The following GABRG3 variants were observed in gnomAD, a reference collection of about 807,000 sequenced individuals.
GABRG3 encodes gamma-aminobutyric acid receptor subunit gamma-3.
Under a neutral mutation model 48.8 loss-of-function variants are expected in GABRG3, and 25 were observed. The observed-to-expected ratio is 0.51, with a 90% CI of 0.37 to 0.72. The LOEUF (loss-of-function observed/expected upper bound fraction) is 0.72. Ranked by LOEUF, GABRG3 falls within the 30% of genes least tolerant of loss-of-function variation. The pLI, the probability that GABRG3 is intolerant of heterozygous loss-of-function variation, is 0.00. For synonymous variants in GABRG3, 227 were observed against 217.6 expected (o/e 1.04, Z -0.38); for missense variants, 394 against 577.9 (o/e 0.68, Z 3.26).
chr15:27,240,241 A>G (rs896120305), intron 3 of GABRG3, among the ~76,000 whole-genome samples: 2 of 152,170 alleles, frequency 1.3e-5, no homozygotes, highest in African/African-American at 2.4e-5. Context: ...TTATCTTGCT[A>G]TAGTGAAAGC....
chr15:27,509,005 C>A (rs996286730), intron 6 of GABRG3, among the ~76,000 whole-genome samples: 5 of 152,118 alleles, frequency 3.3e-5, no homozygotes, highest in Non-Finnish European at 7.4e-5. Flanking sequence ...AGGCTTGAGC[C>A]ACCGTGCCCG....
chr15:27,379,208 A>G (rs1035563431), intron 5 of GABRG3, among the ~76,000 whole-genome samples: 1 of 152,172 alleles, frequency 6.6e-6, no homozygotes, highest in East Asian at 1.9e-4. Flanking sequence ...TTCCTTCAGC[A>G]TATCAATTAT....
intron 2 of GABRG3, among the ~76,000 whole-genome samples, chr15:27,013,649 G>A (rs1895727736): frequency 6.6e-6 from 1 of 151,950 alleles, no homozygotes; most frequent in African/African-American, 2.4e-5. Flanking sequence ...TGTAGTCTTG[G>A]CATCATTGTT....
In GABRG3 at chr15:27,254,766, G is replaced by C. The variant is rs182022843; in HGVS notation, c.271-72043G>C. Among the ~76,000 whole-genome samples, 10 of 152,180 alleles carry C rather than the reference G, an allele frequency of 6.6e-5. No homozygotes were observed. In the East Asian group the frequency reaches 7.7e-4, roughly 12 times the overall value. On this transcript the variant is annotated intron_variant, in intron 3 of 9. Transcript: ENST00000615808. ...GATAGATTTCAATGTATGAATTTGGGGGGGACACAAACACCCAGGTCATAG... is the reference window on the plus strand; with the variant it reads ...GATAGATTTCAATGTATGAATTTGGCGGGGACACAAACACCCAGGTCATAG...
chr15:27,260,001 C>T (rs1459538382), intron 3 of GABRG3, among the ~76,000 whole-genome samples: 4 of 152,110 alleles, frequency 2.6e-5, no homozygotes, highest in Non-Finnish European at 4.4e-5. Flanking sequence ...AGACAAAGGG[C>T]CTGGGAAGAT....
chr15:27,032,036 T>C (rs967137814), intron 3 of GABRG3, among the ~76,000 whole-genome samples: 3 of 152,220 alleles, frequency 2.0e-5, no homozygotes, highest in East Asian at 1.9e-4. Context: ...ACTCTGCTCA[T>C]GTGAAGGTTA....
At chr15:27,071,941 G>A (rs144014264) in intron 3 of GABRG3, among the ~76,000 whole-genome samples, 1 of 152,308 alleles carries the variant, frequency 6.6e-6, no homozygotes, top group East Asian at 1.9e-4. Flanking sequence ...GCTCCTCTCA[G>A]GCTGGAAGAT....
chr15:27,149,289 A>T (rs1898266570), intron 3 of GABRG3, among the ~76,000 whole-genome samples: 1 of 151,234 alleles, frequency 6.6e-6, no homozygotes, highest in East Asian at 1.9e-4. Flanking sequence ...TAACAAAATA[A>T]GTATAAGACT....
intron 5 of GABRG3, among the ~76,000 whole-genome samples, chr15:27,393,292 T>G (rs1026790882): frequency 6.8e-6 from 1 of 147,018 alleles, no homozygotes; most frequent in East Asian, 2.0e-4. Flanking sequence ...TGCAGTGAGC[T>G]GAGATCACAT....
In GABRG3 at chr15:27,241,090, C is replaced by T. The variant is rs147979503; in HGVS notation, c.271-85719C>T. On this transcript the variant is annotated intron_variant, in intron 3 of 9. Transcript: ENST00000615808. ...CAAGCATCCATAGGAAAGGTTGTGACAATAAGTGTTTTAACACACAGTAAA... is the reference window on the plus strand; with the variant it reads ...CAAGCATCCATAGGAAAGGTTGTGATAATAAGTGTTTTAACACACAGTAAA... Among the ~76,000 whole-genome samples, 37 of 152,318 alleles carry T rather than the reference C, an allele frequency of 2.4e-4. No homozygotes were observed. In the Middle Eastern group the frequency reaches 0.014, roughly 56 times the overall value.
chr15:27,316,154 G>A (rs1289651546), intron 3 of GABRG3, among the ~76,000 whole-genome samples: 8 of 152,136 alleles, frequency 5.3e-5, no homozygotes, highest in Admixed American at 2.0e-4. Context: ...GGAGGCCGAG[G>A]TGGGCGGATC....
rs145400761 is a variant in GABRG3, at chr15:27,467,184, C to T, written c.575-13466C>T. ...CCTGGCCTGCAGATGTGCACCCTGGCTGGGTCCTCACACGGAGGGAGAAAC... is the reference window on the plus strand; with the variant it reads ...CCTGGCCTGCAGATGTGCACCCTGGTTGGGTCCTCACACGGAGGGAGAAAC... On this transcript the variant is annotated intron_variant, in intron 5 of 9. Coordinates refer to ENST00000615808, the MANE Select transcript of GABRG3 (RefSeq NM_033223.5). 5.4e-3 allele frequency among the ~76,000 whole-genome samples: 820 copies of T among 152,266 alleles called. 11 individuals are homozygous for T. Among genetic ancestry groups the T allele is most frequent in the African/African-American group, 0.019 (771 of 41,566 alleles).
At chr15:27,357,019 T>C (rs1401488972) in intron 5 of GABRG3, among the ~76,000 whole-genome samples, 3 of 152,208 alleles carry the variant, frequency 2.0e-5, no homozygotes, top group Non-Finnish European at 4.4e-5. Context: ...TAATAGAATG[T>C]CATAAAAATA....
At chr15:27,120,428 A>T (rs964234131) in intron 3 of GABRG3, among the ~76,000 whole-genome samples, 4 of 152,080 alleles carry the variant, frequency 2.6e-5, no homozygotes, top group African/African-American at 9.7e-5. Context: ...TCTATGTGTG[A>T]TGTTACTTCT....
intron 3 of GABRG3, among the ~76,000 whole-genome samples, chr15:27,206,384 A>C (rs561283621): frequency 6.6e-6 from 1 of 152,068 alleles, no homozygotes; most frequent in African/African-American, 2.4e-5. Context: ...CTTGGTACTT[A>C]TTTCTATTTT....
chr15:27,101,313 G>T (rs1308912574), intron 3 of GABRG3, among the ~76,000 whole-genome samples: 1 of 152,090 alleles, frequency 6.6e-6, no homozygotes, highest in Non-Finnish European at 1.5e-5. Flanking sequence ...AAGCAGAGAA[G>T]CCCTAAGTAA....
intron 3 of GABRG3, among the ~76,000 whole-genome samples, chr15:27,308,721 C>CAT (rs111270181): frequency 2.7e-5 from 4 of 148,852 alleles, no homozygotes; most frequent in South Asian, 2.2e-4. Flanking sequence ...TATATGTAAA[C>CAT]ATAATGTAAA....
intron 3 of GABRG3, among the ~76,000 whole-genome samples, chr15:27,036,605 G>A (rs780708875): frequency 1.8e-4 from 27 of 152,078 alleles, no homozygotes; most frequent in Non-Finnish European, 3.2e-4. Flanking sequence ...CAGGAGAATC[G>A]CTTGAACCTG....
At chr15:26,988,389 C>T (rs1341514994) in intron 2 of GABRG3, among the ~76,000 whole-genome samples, 1 of 152,062 alleles carries the variant, frequency 6.6e-6, no homozygotes, top group African/African-American at 2.4e-5. Context: ...GTATAATGAA[C>T]GTCTTTATAC....
Sources: gnomAD v4.1 joint callset for allele counts (sites outside exome capture counted in the v4.1 genomes callset) on GRCh38, gnomAD v4.1.1 for gene constraint, MANE v1.5 for transcripts, NCBI Gene and HGNC (gene_info 2026-07-23, HGNC 2026-07-21) for gene names.